NKAIN2: variants seen among roughly 807,000 people sequenced by gnomAD.
NKAIN2 encodes sodium/potassium-transporting ATPase subunit beta-1-interacting protein 2.
NKAIN2 carries 14 observed loss-of-function variants against 32.6 expected under a neutral mutation model. The observed-to-expected ratio is 0.43, with a 90% CI of 0.28 to 0.67. The LOEUF (loss-of-function observed/expected upper bound fraction) is 0.67, where lower values mean the gene tolerates loss of function less well. Among genes scored for constraint, NKAIN2 ranks in the 30% least tolerant of loss-of-function variants. The probability of loss-of-function intolerance (pLI) is 0.17; values close to 1 mark genes in which losing one functional copy is unlikely to be tolerated. For synonymous variants in NKAIN2, 80 were observed against 87.2 expected, an observed-to-expected ratio of 0.92 and a Z score of 0.46; for missense variants, 198 against 258.3, an observed-to-expected ratio of 0.77 and a Z score of 1.60.
In NKAIN2 at chr6:124,539,554, T is replaced by C. The variant is rs1214535157; in HGVS notation, c.274-118632T>C. ...TAAATTCAGACAATGTTTGTATTAC[T>C]ATAAATAAAAACCTCGTTAAAAACA... On this transcript the variant is annotated intron_variant, in intron 3 of 6. Coordinates refer to ENST00000368417, the MANE Select transcript of NKAIN2 (RefSeq NM_001040214.3). Among the ~76,000 whole-genome samples the C allele has an allele frequency of 3.3e-5, 5 of 152,222 alleles. No individual in the cohort carries two copies. In the East Asian group the frequency reaches 5.8e-4, roughly 18 times the overall value.
At chr6:124,601,052 A>G (rs1221964175) in intron 3 of NKAIN2, among the ~76,000 whole-genome samples, 1 of 152,036 alleles carries the variant, frequency 6.6e-6, no homozygotes, top group African/African-American at 2.4e-5. Context: ...CAAAATTATC[A>G]TAGAGATAGG....
intron 1 of NKAIN2, among the ~76,000 whole-genome samples, chr6:123,946,270 T>C (rs547157661): frequency 3.9e-4 from 59 of 152,146 alleles, no homozygotes; most frequent in Non-Finnish European, 7.4e-4. Flanking sequence ...GCACACATCA[T>C]TAATTTCTCT....
intron 5 of NKAIN2, among the ~76,000 whole-genome samples, chr6:124,795,666 TC>T (rs1469262254): frequency 6.6e-6 from 1 of 152,160 alleles, no homozygotes; most frequent in Admixed American, 6.5e-5. Flanking sequence ...GGAAAGTCCA[TC>T]AAGGTACCGG....
chr6:124,534,602 T>C (rs1779647978), intron 3 of NKAIN2, among the ~76,000 whole-genome samples: 1 of 152,242 alleles, frequency 6.6e-6, no homozygotes, highest in South Asian at 2.1e-4. Flanking sequence ...CAGAATACTT[T>C]AGTGTTTCAT....
chr6:124,141,779 C>T (rs1787151521), intron 1 of NKAIN2, among the ~76,000 whole-genome samples: 1 of 152,104 alleles, frequency 6.6e-6, no homozygotes, highest in Admixed American at 6.6e-5. Context: ...CTGAGGTGCA[C>T]ATTCCCACTC....
intron 1 of NKAIN2, among the ~76,000 whole-genome samples, chr6:123,897,203 TC>T (rs1378031309): frequency 1.3e-5 from 2 of 152,146 alleles, no homozygotes; most frequent in Admixed American, 6.5e-5. Flanking sequence ...TCTTCAGTGA[TC>T]CCCATAGCCA....
At chr6:124,293,004 T>A (rs571182373) in intron 2 of NKAIN2, among the ~76,000 whole-genome samples, 4 of 152,132 alleles carry the variant, frequency 2.6e-5, no homozygotes, top group Admixed American at 1.3e-4. Flanking sequence ...AGTGATACTT[T>A]CCTTGTGCAT....
intron 3 of NKAIN2, among the ~76,000 whole-genome samples, chr6:124,398,774 A>C (rs1773506360): frequency 6.6e-6 from 1 of 152,220 alleles, no homozygotes; most frequent in Non-Finnish European, 1.5e-5. Flanking sequence ...TTAGTCAGAA[A>C]TTAAGTACAA....
chr6:124,166,789 G>T (rs1216776682), intron 1 of NKAIN2, among the ~76,000 whole-genome samples: 18 of 149,546 alleles, frequency 1.2e-4, no homozygotes, highest in South Asian at 2.1e-4. Context: ...TTTCCCCATT[G>T]CTTGTTTTTG....
intron 3 of NKAIN2, among the ~76,000 whole-genome samples, chr6:124,410,041 C>A (rs562710799): frequency 1.3e-5 from 2 of 152,170 alleles, no homozygotes; most frequent in East Asian, 3.9e-4. Context: ...GTGGTGATAT[C>A]CCCTTTGTCA....
At chr6:124,710,736 G>A (rs1775401361) in intron 4 of NKAIN2, among the ~76,000 whole-genome samples, 4 of 147,158 alleles carry the variant, frequency 2.7e-5, no homozygotes, top group South Asian at 4.5e-4. Context: ...CTGCACGTGA[G>A]ATGGGTTTCC....
At chr6:124,656,180 G>C (rs1461972315) in intron 3 of NKAIN2, among the ~76,000 whole-genome samples, 1 of 152,136 alleles carries the variant, frequency 6.6e-6, no homozygotes, top group East Asian at 1.9e-4. Flanking sequence ...CCATGGACCT[G>C]ATTCTTCTGC....
In NKAIN2 at chr6:124,639,023, A is replaced by G. The variant is rs188750704; in HGVS notation, c.274-19163A>G. ...AATCAGGGAAAAGTGAATCAAAACC[A>G]CAATGAAATATCACCACACCCCTAG... On this transcript the variant is annotated intron_variant, in intron 3 of 6. Coordinates refer to ENST00000368417, the MANE Select transcript of NKAIN2 (RefSeq NM_001040214.3). 1.2e-4 allele frequency among the ~76,000 whole-genome samples: 19 copies of G among 152,242 alleles called. No homozygotes were observed. In the East Asian group the frequency reaches 1.5e-3, roughly 12 times the overall value.
intron 1 of NKAIN2, among the ~76,000 whole-genome samples, chr6:124,106,807 G>A (rs1028501804): frequency 6.6e-6 from 1 of 152,054 alleles, no homozygotes; most frequent in Non-Finnish European, 1.5e-5. Flanking sequence ...TGTGTGCCAG[G>A]CACTATCTTA....
intron 2 of NKAIN2, among the ~76,000 whole-genome samples, chr6:124,290,699 T>C (rs550627680): frequency 0.029 from 4,420 of 152,038 alleles, 220 homozygotes; most frequent in African/African-American, 0.1. Context: ...TGCTTTTTTT[T>C]TTTTTGTAAG....
At chr6:124,437,839 G>A in intron 3 of NKAIN2, 1 of 394,476 alleles carries the variant, frequency 2.5e-6, no homozygotes, top group Non-Finnish European at 4.9e-6. Flanking sequence ...GGATACGGTA[G>A]CTGAATTGTA....
chr6:124,543,804 G>A (rs1287908463), intron 3 of NKAIN2, among the ~76,000 whole-genome samples: 1 of 152,086 alleles, frequency 6.6e-6, no homozygotes, highest in Non-Finnish European at 1.5e-5. Context: ...CCTTCAGCTG[G>A]GCCACTTTGA....
At chr6:124,348,661 A>G (rs2093174) in intron 2 of NKAIN2, among the ~76,000 whole-genome samples, 130,028 of 152,246 alleles carry the variant, frequency 0.85, 55,802 homozygotes, top group African/African-American at 0.94. Context: ...AGCTCCCAGC[A>G]TGAGCGACGC....
At chr6:124,021,800 T>G (rs1301568068) in intron 1 of NKAIN2, among the ~76,000 whole-genome samples, 5 of 152,144 alleles carry the variant, frequency 3.3e-5, no homozygotes, top group African/African-American at 9.7e-5. Flanking sequence ...CTCCCCTGAT[T>G]GTACTGCCTT....
Sources: gnomAD v4.1 joint callset for allele counts (sites outside exome capture counted in the v4.1 genomes callset) on GRCh38, gnomAD v4.1.1 for gene constraint, MANE v1.5 for transcripts, NCBI Gene and HGNC (gene_info 2026-07-23, HGNC 2026-07-21) for gene names.